Variants in CTNNA3 observed in about 807,000 individuals in gnomAD.
CTNNA3 encodes the protein catenin alpha 3, also known as catenin alpha-3.
CTNNA3 carries 76 observed loss-of-function variants against 95.7 expected under a neutral mutation model. The ratio of observed to expected loss-of-function variants is 0.79; its 90% CI spans 0.66 to 0.96. CTNNA3 has a LOEUF of 0.96. Among genes scored for constraint, CTNNA3 ranks in the 40% least tolerant of loss-of-function variants. The probability of loss-of-function intolerance (pLI) is 0.00; values close to 1 mark genes in which losing one functional copy is unlikely to be tolerated. For synonymous variants in CTNNA3, 431 were observed against 374.4 expected, an observed-to-expected ratio of 1.15 and a Z score of -1.74; for missense variants, 1,191 against 1,089.8, an observed-to-expected ratio of 1.09 and a Z score of -1.31.
intron 5 of CTNNA3, among the ~76,000 whole-genome samples, chr10:67,370,113 C>A (rs1455865896): frequency 6.6e-6 from 1 of 152,074 alleles, no homozygotes; most frequent in East Asian, 1.9e-4. Context: ...GATTGAAAAT[C>A]ATTAAAATGT....
rs182732642 is a variant in CTNNA3 at position 66,812,316 on chromosome 10, T to C, written c.1048-36792A>G. ...TATATATAAACATATCTTAGAAAGATGTCTTACTTTTGATTGCTAAATAGT... is the reference window on the plus strand; with the variant it reads ...TATATATAAACATATCTTAGAAAGACGTCTTACTTTTGATTGCTAAATAGT... On this transcript the variant is annotated intron_variant, in intron 7 of 17. Coordinates refer to ENST00000433211, the MANE Select transcript of CTNNA3 (RefSeq NM_013266.4). Among the ~76,000 whole-genome samples the C allele has an allele frequency of 4.2e-3, 636 of 152,284 alleles. 2 individuals are homozygous for C. Among genetic ancestry groups the C allele is most frequent in the Middle Eastern group, 0.017 (5 of 294 alleles).
At chr10:67,642,448 T>C (rs1375676625) in intron 2 of CTNNA3, among the ~76,000 whole-genome samples, 2 of 152,178 alleles carry the variant, frequency 1.3e-5, no homozygotes, top group Non-Finnish European at 2.9e-5. Flanking sequence ...CTGGGTGCGG[T>C]GGCTCATGCC....
At chr10:66,184,383 G>C (rs1193087785) in intron 13 of CTNNA3, among the ~76,000 whole-genome samples, 1 of 152,038 alleles carries the variant, frequency 6.6e-6, no homozygotes, top group Non-Finnish European at 1.5e-5. Context: ...TTTATATTTT[G>C]TTTAGTAAAA....
intron 3 of CTNNA3, among the ~76,000 whole-genome samples, chr10:67,573,979 G>A (rs114322837): frequency 7.4e-4 from 113 of 152,316 alleles, no homozygotes; most frequent in African/African-American, 2.6e-3. Context: ...GAGAGTACAT[G>A]TGGAATGGTA....
chr10:67,294,172 C>A (rs10823020), intron 5 of CTNNA3, among the ~76,000 whole-genome samples: 38,189 of 151,908 alleles, frequency 0.25, 7,014 homozygotes, highest in African/African-American at 0.51. Flanking sequence ...TTTGAGTGTT[C>A]GCACAGTGTT....
chr10:66,211,441 C>G (rs2088148552), intron 13 of CTNNA3, among the ~76,000 whole-genome samples: 1 of 152,104 alleles, frequency 6.6e-6, no homozygotes, highest in South Asian at 2.1e-4. Flanking sequence ...GGAAGCAGTT[C>G]CCTAACCCTG....
At chr10:66,550,797 C>G (rs1842191252) in intron 10 of CTNNA3, among the ~76,000 whole-genome samples, 1 of 150,682 alleles carries the variant, frequency 6.6e-6, no homozygotes, top group African/African-American at 2.4e-5. Context: ...TGTTGATTTT[C>G]TGCTTATAAA....
chr10:66,761,259 A>C (rs1224652181), intron 9 of CTNNA3, among the ~76,000 whole-genome samples: 2 of 152,106 alleles, frequency 1.3e-5, no homozygotes, highest in East Asian at 3.9e-4. Context: ...TCAGCTTTGT[A>C]GGTGGTAGGG....
intron 10 of CTNNA3, among the ~76,000 whole-genome samples, chr10:66,617,254 A>G (rs1844551620): frequency 6.6e-6 from 1 of 152,030 alleles, no homozygotes; most frequent in African/African-American, 2.4e-5. Flanking sequence ...TTTAGGGAGA[A>G]GGGAGATTGA....
intron 7 of CTNNA3, among the ~76,000 whole-genome samples, chr10:67,066,560 C>A (rs1022016326): frequency 4.1e-5 from 6 of 148,144 alleles, no homozygotes; most frequent in Non-Finnish European, 5.9e-5. Context: ...AAGGTACATA[C>A]ACACCAACCA....
rs553643896 is a variant in CTNNA3, at chr10:66,233,822, TG to T, written c.1884+46647del. On this transcript the variant is annotated intron_variant, in intron 13 of 17. Coordinates refer to ENST00000433211, the MANE Select transcript of CTNNA3 (RefSeq NM_013266.4). ...CTCTTCTCCCAGGTGGAATTGAAAATGTACTTAAATGTGTGTTAAAGCACAT... is the reference window on the plus strand; with the variant it reads ...CTCTTCTCCCAGGTGGAATTGAAAATTACTTAAATGTGTGTTAAAGCACAT... 7.6e-4 allele frequency among the ~76,000 whole-genome samples: 116 copies of T among 152,292 alleles called. 1 individual carries two copies. Among genetic ancestry groups the T allele is most frequent in the South Asian group, 5.4e-3 (26 of 4,824 alleles).
intron 9 of CTNNA3, among the ~76,000 whole-genome samples, chr10:66,761,215 T>G (rs1394075599): frequency 6.6e-6 from 1 of 152,114 alleles, no homozygotes; most frequent in African/African-American, 2.4e-5. Flanking sequence ...GGGGCTTTGC[T>G]AAATAGGGCT....
intron 13 of CTNNA3, among the ~76,000 whole-genome samples, chr10:66,110,527 T>C (rs907071940): frequency 6.6e-6 from 1 of 152,094 alleles, no homozygotes; most frequent in African/African-American, 2.4e-5. Flanking sequence ...CACAAACATA[T>C]ACACTCAGTG....
chr10:67,260,330 T>C (rs1866547857), intron 5 of CTNNA3, among the ~76,000 whole-genome samples: 1 of 152,206 alleles, frequency 6.6e-6, no homozygotes, highest in Non-Finnish European at 1.5e-5. Context: ...ATGAAAAGGA[T>C]TCAAAACACT....
chr10:66,516,064 G>GCAAAAAA, intron 11 of CTNNA3, among the ~76,000 whole-genome samples: 1 of 141,250 alleles, frequency 7.1e-6, no homozygotes, highest in Admixed American at 7.2e-5. Context: ...TAATTATCTG[G>GCAAAAAA]AAAAAAAAAA....
chr10:66,235,089 C>G (rs796742807), intron 13 of CTNNA3, among the ~76,000 whole-genome samples: 1 of 152,190 alleles, frequency 6.6e-6, no homozygotes. Context: ...TAGACAGCAG[C>G]CCTAGCTGAC....
chr10:66,677,893 A>AC (rs1482752883), intron 9 of CTNNA3, among the ~76,000 whole-genome samples: 1 of 133,096 alleles, frequency 7.5e-6, no homozygotes, highest in African/African-American at 3.0e-5. Flanking sequence ...CCAGAACTGG[A>AC]CCATAGGTCA....
chr10:66,010,212 C>T (rs965266391), intron 15 of CTNNA3, among the ~76,000 whole-genome samples: 3 of 152,170 alleles, frequency 2.0e-5, no homozygotes, highest in African/African-American at 7.2e-5. Context: ...GATGTAGCCT[C>T]CTTTCCCTTG....
At chr10:67,220,564 C>T (rs1213748662) in intron 5 of CTNNA3, among the ~76,000 whole-genome samples, 1 of 151,912 alleles carries the variant, frequency 6.6e-6, no homozygotes, top group East Asian at 1.9e-4. Context: ...ACAATAAATG[C>T]TATGAAGAAA....
Sources: gnomAD v4.1 joint callset for allele counts (sites outside exome capture counted in the v4.1 genomes callset) on GRCh38, gnomAD v4.1.1 for gene constraint, MANE v1.5 for transcripts, NCBI Gene and HGNC (gene_info 2026-07-23, HGNC 2026-07-21) for gene names.